The following COPE variants were observed in gnomAD, a reference collection of about 807,000 sequenced individuals.
The protein encoded by COPE is coat protein complex I subunit epsilon.
In COPE, 19 loss-of-function variants were observed where a neutral mutation model predicts 42.1. That is an observed-to-expected ratio of 0.45 (90% confidence interval 0.31 to 0.66). COPE has a LOEUF of 0.66. Among genes scored for constraint, COPE ranks in the 30% least tolerant of loss-of-function variants. The pLI, the probability that COPE is intolerant of heterozygous loss-of-function variation, is 0.05. For synonymous variants in COPE, 195 were observed against 181.3 expected, an observed-to-expected ratio of 1.08 and a Z score of -0.60; for missense variants, 402 against 416.1, an observed-to-expected ratio of 0.97 and a Z score of 0.30.
intron 7 of COPE, among the ~76,000 whole-genome samples, chr19:18,900,981 C>T (rs1248903215): frequency 6.6e-6 from 1 of 152,226 alleles, no homozygotes; most frequent in Non-Finnish European, 1.5e-5. Flanking sequence ...GCGCCCAGAG[C>T]CCGACCTGCC....
chr19:18,906,258 C>T lies in COPE; in HGVS notation c.444-629G>A, dbSNP rs143756476. 9.8e-3 allele frequency: 2,725 copies of T among 276,942 alleles called. 22 individuals are homozygous for T. The highest frequency in any genetic ancestry group is 0.011 in the Non-Finnish European group (1,564 of 148,452). 17.2% of individuals were successfully genotyped at this position (276,942 alleles called of 1,614,324 possible). On this transcript the variant is annotated intron_variant, in intron 4 of 9. Transcript: ENST00000262812. The stretch of plus-strand genomic sequence containing the variant: ...AGGCTGGAGTGCAGTGGCACCATCA[C>T]GGCTCACTGCAGCCTCCACCTCCCA...
intron 2 of COPE, 88 bp downstream of exon 2, chr19:18,912,896 C>G (rs1335900490): frequency 1.1e-5 from 15 of 1,339,734 alleles, no homozygotes; most frequent in African/African-American, 2.9e-5. Flanking sequence ...TTACTGTCCC[C>G]GCCACCCACT....
intron 3 of COPE, among the ~76,000 whole-genome samples, chr19:18,907,344 C>T (rs866057594): frequency 2.6e-5 from 4 of 152,266 alleles, no homozygotes; most frequent in Middle Eastern, 6.8e-3. Flanking sequence ...TGGGGTGGGG[C>T]GCTCCAAGGG....
At chr19:18,918,695 C>T (rs1279692225) in intron 1 of COPE, among the ~76,000 whole-genome samples, 1 of 152,146 alleles carries the variant, frequency 6.6e-6, no homozygotes, top group Non-Finnish European at 1.5e-5. Flanking sequence ...TCCCAAAGCG[C>T]CAGAATTACA....
In COPE at chr19:18,910,994, G is replaced by T; in HGVS notation, c.267C>A (p.Asp89Glu). The T allele has an allele frequency of 1.2e-6, 2 of 1,614,014 alleles. No individual in the cohort carries two copies. The highest frequency in any genetic ancestry group is 1.7e-6 in the Non-Finnish European group (2 of 1,180,032). ...ACCTCCGACTCTCGTGGGCGAGGTA[G>T]TCAGCAAACATGCGCACGGCCTGGA... ...PELQAVRMFA[D>E]YLAHESRRDS... Residue 89 changes from aspartate to glutamate, a missense_variant, in exon 3 of 10, where the codon GAC becomes GAA. Physicochemically the swap from Asp to Glu is conservative, Grantham distance 45 (BLOSUM62 2). Coordinates refer to ENST00000262812, the MANE Select transcript of COPE (RefSeq NM_007263.4).
intron 3 of COPE, chr19:18,910,463 T>C (rs1350321203): frequency 6.3e-6 from 1 of 158,842 alleles, no homozygotes; most frequent in Non-Finnish European, 1.4e-5. Flanking sequence ...CACGCAGCTA[T>C]AGTCGTAGCT....
rs753898878 is a variant in COPE, at chr19:18,899,908, T to C, written c.844A>G (p.Arg282Gly). The C allele has an allele frequency of 2.0e-5, 32 of 1,613,424 alleles. No individual in the cohort carries two copies. The Middle Eastern group carries it at 4.9e-4, about 25-fold the overall frequency. ...TACTCCTTGATGAAGGGATGGGACC[T>C]GTGGGCATCCTTCAGCTGGGACAGG... ...RYLSQLKDAH[R>G]SHPFIKEYQA... The change falls in exon 9 of 10, where the codon AGG becomes GGG. Residue 282 changes from arginine (R) to glycine (G), a missense_variant. By Grantham distance (125) the Arg-to-Gly change is moderately radical. Coordinates refer to ENST00000262812, the MANE Select transcript of COPE (RefSeq NM_007263.4).
At chr19:18,911,373 C>T (rs932619870) in intron 2 of COPE, 2 of 393,954 alleles carry the variant, frequency 5.1e-6, no homozygotes, top group African/African-American at 4.0e-5. Flanking sequence ...GGGCGTGTCA[C>T]CTGGGGGCAG....
chr19:18,912,897 G>A (rs1295547835), intron 2 of COPE, 87 bp downstream of exon 2: 25 of 1,342,360 alleles, frequency 1.9e-5, no homozygotes, highest in South Asian at 5.9e-5. Flanking sequence ...TACTGTCCCC[G>A]CCACCCACTC....
intron 3 of COPE, among the ~76,000 whole-genome samples, chr19:18,908,915 T>C (rs759818895): frequency 9.9e-5 from 15 of 152,134 alleles, no homozygotes; most frequent in Admixed American, 1.3e-4. Flanking sequence ...GGATGATCAC[T>C]TGAGCCTGGG....
In COPE at chr19:18,906,990, C is replaced by T. The variant is rs756957476; in HGVS notation, c.413G>A (p.Arg138His). 37 of 1,576,444 alleles carry T rather than the reference C, an allele frequency of 2.3e-5. No homozygotes were observed. Among genetic ancestry groups the T allele is most frequent in the South Asian group, 8.1e-5 (7 of 86,446 alleles). Residue 138 changes from arginine to histidine, a missense_variant, in exon 4 of 10, where the codon CGT (arginine) becomes CAT (histidine). Coordinates refer to ENST00000262812, the MANE Select transcript of COPE (RefSeq NM_007263.4). Reference protein sequence around the residue: ...LHDQNPDAALRALHQGDSLEC... With the variant: ...LHDQNPDAALHALHQGDSLEC... ...CAGGCTGTCCCCCTGGTGCAGCGCA[C>T]GCAGGGCGGCATCCGGGTTCTGGTC...
intron 3 of COPE, among the ~76,000 whole-genome samples, chr19:18,907,455 T>C (rs1249388606): frequency 6.6e-6 from 1 of 152,162 alleles, no homozygotes; most frequent in African/African-American, 2.4e-5. Context: ...ATCAACCCTG[T>C]GGGCTTCAAG....
chr19:18,900,970 T>C (rs10414989), intron 7 of COPE, among the ~76,000 whole-genome samples: 4,536 of 152,304 alleles, frequency 0.03, 222 homozygotes, highest in African/African-American at 0.098. Context: ...CCAACGAGGA[T>C]GCGCCCAGAG....
intron 7 of COPE, among the ~76,000 whole-genome samples, chr19:18,901,289 T>TA (rs1166637479): frequency 6.6e-6 from 1 of 152,140 alleles, no homozygotes; most frequent in Non-Finnish European, 1.5e-5. Flanking sequence ...CTGAGAGGTG[T>TA]AACAAAAGCC....
chr19:18,912,869 C>A, intron 2 of COPE, 115 bp downstream of exon 2: 1 of 976,176 alleles, frequency 1.0e-6, no homozygotes, highest in Non-Finnish European at 1.6e-6. Flanking sequence ...CACTGCAGGC[C>A]TGGGTCCCTG....
At chr19:18,905,040 G>A (rs2056745657) in intron 5 of COPE, among the ~76,000 whole-genome samples, 188 bp from the exon 6 acceptor site, 1 of 152,018 alleles carries the variant, frequency 6.6e-6, no homozygotes, top group South Asian at 2.1e-4. Context: ...CAGGCCCTGG[G>A]AAGGTGGGAC....
intron 3 of COPE, among the ~76,000 whole-genome samples, chr19:18,908,460 C>T (rs1391553168): frequency 5.3e-5 from 8 of 149,688 alleles, no homozygotes; most frequent in Admixed American, 1.3e-4. Flanking sequence ...AATTACTGGG[C>T]GGATCGCTTG....
chr19:18,913,348 T>C (rs1032397454), intron 1 of COPE, among the ~76,000 whole-genome samples: 3 of 152,228 alleles, frequency 2.0e-5, no homozygotes, highest in African/African-American at 7.2e-5. Flanking sequence ...CTCTAACCTC[T>C]GGACATGGGG....
At chr19:18,912,874 T>C (rs1264435538) in intron 2 of COPE, 110 bp downstream of exon 2, 1 of 1,013,764 alleles carries the variant, frequency 9.9e-7, no homozygotes, top group African/African-American at 1.6e-5. Context: ...CAGGCCTGGG[T>C]CCCTGCTTTG....
Sources: gnomAD v4.1 joint callset for allele counts (sites outside exome capture counted in the v4.1 genomes callset) on GRCh38, gnomAD v4.1.1 for gene constraint, MANE v1.5 for transcripts, NCBI Gene and HGNC (gene_info 2026-07-23, HGNC 2026-07-21) for gene names.